FRMPD4: variants seen among roughly 807,000 people sequenced by gnomAD.
FRMPD4 encodes the protein FERM and PDZ domain-containing protein 4.
A neutral mutation model predicts 94.1 loss-of-function variants in FRMPD4; 22 were observed. The observed-to-expected ratio is 0.23, with a 90% CI of 0.17 to 0.33. FRMPD4 has a LOEUF of 0.33. Ranked by LOEUF, FRMPD4 falls within the 10% of genes least tolerant of loss-of-function variation. The pLI, the probability that FRMPD4 is intolerant of heterozygous loss-of-function variation, is 1.00. For synonymous variants in FRMPD4, 631 were observed against 548.6 expected (o/e 1.15, Z -2.10); for missense variants, 1,111 against 1,339.9 (o/e 0.83, Z 2.67).
At chrX:11,823,167 C>T (rs1301963415) in intron 1 of FRMPD4, among the ~76,000 whole-genome samples, 2 of 110,548 alleles carry the variant, frequency 1.8e-5, no homozygotes, top group Non-Finnish European at 3.8e-5. Context: ...ACCTAACTAA[C>T]GGATGCAAGA....
At chrX:12,338,263 C>T (rs1362965075) in intron 1 of FRMPD4, among the ~76,000 whole-genome samples, 1 of 112,099 alleles carries the variant, frequency 8.9e-6, no homozygotes, top group East Asian at 2.8e-4. Context: ...CAGAAGTGTG[C>T]CTAGATGTAG....
chrX:12,198,300 A>G (rs1256630127), intron 1 of FRMPD4, among the ~76,000 whole-genome samples: 1 of 111,658 alleles, frequency 9.0e-6, no homozygotes, highest in Non-Finnish European at 1.9e-5. Context: ...TGTGACCCTA[A>G]TGAGAAATAC....
chrX:12,047,935 A>G (rs185706973), intron 3 of FRMPD4, among the ~76,000 whole-genome samples: 97 of 112,911 alleles, frequency 8.6e-4, no homozygotes, highest in African/African-American at 3.0e-3. Context: ...TGTCTTTGCT[A>G]TTGTTAATAG....
intron 3 of FRMPD4, among the ~76,000 whole-genome samples, chrX:12,611,249 C>T (rs1285353381): frequency 9.0e-6 from 1 of 111,038 alleles, no homozygotes; most frequent in African/African-American, 3.3e-5. Flanking sequence ...GATTTATTTT[C>T]AGAAAAAAAG....
At chrX:12,305,777 G>A (rs2054932031) in intron 1 of FRMPD4, among the ~76,000 whole-genome samples, 1 of 87,629 alleles carries the variant, frequency 1.1e-5, no homozygotes, top group South Asian at 6.1e-4. Context: ...ATGTTGCCTA[G>A]TCTGGTCTCA....
intron 1 of FRMPD4, among the ~76,000 whole-genome samples, chrX:12,242,123 A>C (rs945143199): frequency 8.0e-5 from 9 of 111,894 alleles, no homozygotes; most frequent in Non-Finnish European, 5.6e-5. Context: ...TTGGAATTGT[A>C]ACTGAGGCTA....
At chrX:12,133,802 C>T (rs964954990), upstream of FRMPD4, among the ~76,000 whole-genome samples, 1 of 111,456 alleles carries the variant, frequency 9.0e-6, no homozygotes, top group African/African-American at 3.3e-5. Flanking sequence ...AGTTTCCCTG[C>T]CCTCACACTC....
chrX:12,679,456 C>G (rs1162767118), intron 5 of FRMPD4, among the ~76,000 whole-genome samples: 1 of 111,260 alleles, frequency 9.0e-6, no homozygotes, highest in Non-Finnish European at 1.9e-5. Context: ...TATCGGGGGT[C>G]AGGGTGGAAC....
At chrX:11,924,826 C>T (rs1428941894) in intron 3 of FRMPD4, among the ~76,000 whole-genome samples, 1 of 111,759 alleles carries the variant, frequency 8.9e-6, no homozygotes, top group East Asian at 2.8e-4. Flanking sequence ...AGACCAGTGA[C>T]ACCACAAAGC....
At chrX:11,990,559 A>G (rs1236349016) in intron 3 of FRMPD4, among the ~76,000 whole-genome samples, 1 of 112,355 alleles carries the variant, frequency 8.9e-6, no homozygotes, top group Non-Finnish European at 1.9e-5. Flanking sequence ...TATCTGTGCC[A>G]AAGCAGAGAA....
Position 11,850,861 on chromosome X carries a change from TA to T in FRMPD4, c.-160-14220del, listed in dbSNP as rs202125128. Among the ~76,000 whole-genome samples, 800 of 112,175 alleles carry T rather than the reference TA, an allele frequency of 7.1e-3. 3 individuals carry two copies. The highest frequency in any genetic ancestry group is 0.012 in the Non-Finnish European group (628 of 53,223). On this transcript the variant is annotated intron_variant, in intron 1 of 18. Coordinates refer to the FRMPD4 transcript ENST00000640291. Reference sequence around the variant, plus strand: ...GATATAGAATTTTAGTTCTGCAAGATAAAAAGAGTTCTGGAGACTGGTTCCA... The same window carrying T: ...GATATAGAATTTTAGTTCTGCAAGATAAAAGAGTTCTGGAGACTGGTTCCA...
intron 1 of FRMPD4, among the ~76,000 whole-genome samples, chrX:12,402,617 T>C (rs1389325361): frequency 8.9e-6 from 1 of 112,629 alleles, no homozygotes; most frequent in African/African-American, 3.2e-5. Flanking sequence ...ATTGTCTGAA[T>C]GTTTCCTAAA....
At chrX:12,315,230 A>G (rs1367824860) in intron 1 of FRMPD4, among the ~76,000 whole-genome samples, 1 of 112,611 alleles carries the variant, frequency 8.9e-6, no homozygotes, top group East Asian at 2.8e-4. Context: ...TCCTTGCCAG[A>G]AAATTTGGCT....
chrX:11,981,462 C>T (rs2054396631), intron 3 of FRMPD4, among the ~76,000 whole-genome samples: 1 of 110,736 alleles, frequency 9.0e-6, no homozygotes, highest in South Asian at 3.8e-4. Context: ...TGTAGTGAAT[C>T]TTTTTTAATA....
intron 4 of FRMPD4, among the ~76,000 whole-genome samples, chrX:12,670,647 C>G (rs1251652771): frequency 8.9e-6 from 1 of 111,915 alleles, no homozygotes; most frequent in African/African-American, 3.3e-5. Flanking sequence ...AGTAGAAAAC[C>G]TAGGCAATAA....
At chrX:12,471,479 G>C (rs1269700481) in intron 1 of FRMPD4, among the ~76,000 whole-genome samples, 1 of 111,765 alleles carries the variant, frequency 8.9e-6, no homozygotes, top group Non-Finnish European at 1.9e-5. Context: ...CAAGCTACGT[G>C]ACTGGATACT....
intron 1 of FRMPD4, among the ~76,000 whole-genome samples, chrX:12,434,029 A>G (rs2057037650): frequency 9.0e-6 from 1 of 111,727 alleles, no homozygotes. Context: ...AGCGTGGAGA[A>G]GAGAGAGCCT....
In FRMPD4 at chrX:12,244,360, C is replaced by T. The variant is rs958620064; in HGVS notation, c.41+105348C>T. Among the ~76,000 whole-genome samples the T allele has an allele frequency of 3.6e-5, 4 of 111,648 alleles. No homozygotes were observed. In the East Asian group the frequency reaches 1.1e-3, roughly 32 times the overall value. ...ACATATGCCCCTTCAGACTTGGTCACTCTAAGCACTTAGTGGATGGGGAGA... is the reference window on the plus strand; with the variant it reads ...ACATATGCCCCTTCAGACTTGGTCATTCTAAGCACTTAGTGGATGGGGAGA... On this transcript the variant is annotated intron_variant, in intron 1 of 16. Transcript: ENST00000675598.
intron 5 of FRMPD4, among the ~76,000 whole-genome samples, chrX:12,681,482 T>C (rs765991602): frequency 8.9e-6 from 1 of 111,937 alleles, no homozygotes; most frequent in Non-Finnish European, 1.9e-5. Context: ...TTCGGTTTCT[T>C]GCTGTTGTCT....
Sources: allele counts gnomAD v4.1 joint callset (sites outside exome capture counted in the v4.1 genomes callset), GRCh38; gene constraint gnomAD v4.1.1; transcripts MANE v1.5; gene names NCBI Gene and HGNC (gene_info 2026-07-23, HGNC 2026-07-21).